Variants in NOL4 observed in about 807,000 individuals in gnomAD.
NOL4 encodes the protein cancer/testis antigen 125.
NOL4 carries 17 observed loss-of-function variants against 75.9 expected under a neutral mutation model. The observed-to-expected ratio is 0.22, with a 90% CI of 0.15 to 0.34. NOL4 has a LOEUF of 0.34. NOL4 is among the 10% of genes least tolerant of loss of function. The probability of loss-of-function intolerance (pLI) is 1.00; values close to 1 mark genes in which losing one functional copy is unlikely to be tolerated. For synonymous variants in NOL4, 292 were observed against 289.9 expected (o/e 1.01, Z -0.07); for missense variants, 614 against 793.5 (o/e 0.77, Z 2.72).
At chr18:34,038,728 T>C (rs1040698922) in intron 5 of NOL4, among the ~76,000 whole-genome samples, 1 of 151,816 alleles carries the variant, frequency 6.6e-6, no homozygotes, top group Non-Finnish European at 1.5e-5. Flanking sequence ...ATACCAGAGG[T>C]GGGTAAGTGT....
chr18:33,914,451 G>A (rs2066594490), intron 9 of NOL4, among the ~76,000 whole-genome samples: 1 of 152,034 alleles, frequency 6.6e-6, no homozygotes, highest in Non-Finnish European at 1.5e-5. Context: ...AAGATGGAAA[G>A]CCACTGGAAG....
intron 6 of NOL4, among the ~76,000 whole-genome samples, chr18:34,002,067 C>T (rs1444875406): frequency 1.3e-5 from 2 of 152,188 alleles, no homozygotes; most frequent in East Asian, 1.9e-4. Flanking sequence ...CAACAAAATA[C>T]CTTGCTTAGA....
rs773695170 is a variant in NOL4, at chr18:34,019,331, T to C, written c.1043A>G (p.Glu348Gly). 1 of 1,613,038 alleles carries C rather than the reference T, an allele frequency of 6.2e-7. No individual in the cohort carries two copies. Among genetic ancestry groups the C allele is most frequent in the African/African-American group, 1.3e-5 (1 of 74,880 alleles). ...ATGTGATCATACCTTGCTTCCATTT[T>C]CTCTCGCCTCTCGTTCCATCTTGAG... ...SDLKMEREAR[E>G]NGSKSPAHSY... Residue 348 changes from glutamate (E) to glycine (G), a missense_variant, in exon 6 of 11, where the codon GAA becomes GGA. Transcript: ENST00000261592.
intron 1 of NOL4, among the ~76,000 whole-genome samples, chr18:34,178,374 T>C (rs2033740591): frequency 6.6e-6 from 1 of 151,378 alleles, no homozygotes; most frequent in Non-Finnish European, 1.5e-5. Flanking sequence ...AATAGCAAAA[T>C]AGAAGCAGGT....
intron 6 of NOL4, among the ~76,000 whole-genome samples, chr18:33,990,259 T>C (rs1323299422): frequency 6.6e-6 from 1 of 152,050 alleles, no homozygotes; most frequent in Non-Finnish European, 1.5e-5. Flanking sequence ...CATCAGATCA[T>C]AACTGGTCAC....
At chr18:34,016,599 C>A (rs568284359) in intron 6 of NOL4, among the ~76,000 whole-genome samples, 5 of 152,216 alleles carry the variant, frequency 3.3e-5, no homozygotes, top group Admixed American at 1.3e-4. Flanking sequence ...CTCTCCCATA[C>A]ATAATCAGAA....
intron 5 of NOL4, among the ~76,000 whole-genome samples, chr18:34,078,799 T>C (rs796605874): frequency 4.6e-5 from 7 of 152,314 alleles, no homozygotes; most frequent in African/African-American, 1.7e-4. Flanking sequence ...TAATATCCAA[T>C]TTACTACAAG....
chr18:33,927,953 G>A (rs973569929), intron 9 of NOL4, among the ~76,000 whole-genome samples: 9 of 151,930 alleles, frequency 5.9e-5, no homozygotes, highest in African/African-American at 2.2e-4. Context: ...ACTCCATAAT[G>A]AATTTGTGAC....
chr18:33,863,326 A>G (rs2063267245), intron 10 of NOL4, among the ~76,000 whole-genome samples: 1 of 152,130 alleles, frequency 6.6e-6, no homozygotes, highest in East Asian at 1.9e-4. Flanking sequence ...ATGCTAGATG[A>G]TGAGTTAATG....
chr18:34,095,251 A>ATGTGTGTGTGTG (rs60017439), intron 4 of NOL4, among the ~76,000 whole-genome samples: 20,164 of 144,284 alleles, frequency 0.14, 1,555 homozygotes, highest in Middle Eastern at 0.19. Flanking sequence ...TCTAATGTGT[A>ATGTGTGTGTGTG]TGTGTGTGTG....
At chr18:33,880,489 T>C (rs2064199919) in intron 10 of NOL4, among the ~76,000 whole-genome samples, 1 of 152,084 alleles carries the variant, frequency 6.6e-6, no homozygotes, top group African/African-American at 2.4e-5. Flanking sequence ...CCTTTAGACT[T>C]CAACCTGGTA....
chr18:34,120,048 A>G (rs1182273447), intron 2 of NOL4, among the ~76,000 whole-genome samples: 1 of 152,260 alleles, frequency 6.6e-6, no homozygotes, highest in Non-Finnish European at 1.5e-5. Context: ...AAATTCAAAT[A>G]TAACTGGTTA....
chr18:34,017,739 AG>A (rs2074786041), intron 6 of NOL4, among the ~76,000 whole-genome samples: 1 of 152,148 alleles, frequency 6.6e-6, no homozygotes, highest in African/African-American at 2.4e-5. Context: ...TCTCCTTCAA[AG>A]GTGGACTTTG....
intron 4 of NOL4, among the ~76,000 whole-genome samples, chr18:34,095,404 T>C (rs537375753): frequency 6.6e-6 from 1 of 152,172 alleles, no homozygotes; most frequent in East Asian, 1.9e-4. Context: ...TGATAGATGA[T>C]ACAGATATCT....
chr18:33,899,757 AC>A (rs1175567423), intron 9 of NOL4, among the ~76,000 whole-genome samples: 1 of 151,838 alleles, frequency 6.6e-6, no homozygotes, highest in Non-Finnish European at 1.5e-5. Context: ...ATTTTGTTTT[AC>A]CCTGGGGTAT....
intron 1 of NOL4, among the ~76,000 whole-genome samples, chr18:34,172,300 T>A (rs1008912092): frequency 5.3e-5 from 8 of 152,140 alleles, no homozygotes; most frequent in African/African-American, 1.9e-4. Flanking sequence ...CACCCAGCTT[T>A]AAATGCTGAT....
intron 6 of NOL4, among the ~76,000 whole-genome samples, chr18:33,988,043 AG>A (rs1045726571): frequency 9.9e-5 from 15 of 152,108 alleles, no homozygotes; most frequent in African/African-American, 3.6e-4. Flanking sequence ...GGTCAAACAC[AG>A]GGGGAAGGGC....
At chr18:34,130,108 T>C in intron 1 of NOL4, 88 bp from the exon 2 acceptor site, 2 of 1,272,036 alleles carry the variant, frequency 1.6e-6, no homozygotes, top group Non-Finnish European at 1.0e-6. Flanking sequence ...CAAAATGTTT[T>C]TATAACCTCA....
chr18:33,883,239 C>A lies in NOL4; in HGVS notation c.1723+5G>T. On this transcript the variant is annotated splice_donor_5th_base_variant and intron_variant, in intron 10 of 10. Coordinates refer to ENST00000261592, the MANE Select transcript of NOL4 (RefSeq NM_003787.5). ...AAAAAAACACAATCTATGATAAATA[C>A]TCACCACTGCTGGAAGCATCATTCA... 6.4e-7 allele frequency: 1 copy of A among 1,567,270 alleles called. No individual in the cohort carries two copies. The highest frequency in any genetic ancestry group is 8.6e-7 in the Non-Finnish European group (1 of 1,161,182).
Sources: gnomAD v4.1 joint callset for allele counts (sites outside exome capture counted in the v4.1 genomes callset) on GRCh38, gnomAD v4.1.1 for gene constraint, MANE v1.5 for transcripts, NCBI Gene and HGNC (gene_info 2026-07-23, HGNC 2026-07-21) for gene names.